Variants in CDC25A observed in about 807,000 individuals in gnomAD.
CDC25A encodes the protein cell division cycle 25A.
In CDC25A, 17 loss-of-function variants were observed where a neutral mutation model predicts 64.6. The observed-to-expected ratio is 0.26, with a 90% CI of 0.18 to 0.39. The LOEUF (loss-of-function observed/expected upper bound fraction) is 0.39, where lower values mean the gene tolerates loss of function less well. CDC25A is among the 10% of genes least tolerant of loss of function. The pLI is 1.00. For synonymous variants in CDC25A, 229 were observed against 238.6 expected, an observed-to-expected ratio of 0.96 and a Z score of 0.37; for missense variants, 473 against 654.8, an observed-to-expected ratio of 0.72 and a Z score of 3.03.
In CDC25A at chr3:48,175,235, T is replaced by G. The variant is rs573457161; in HGVS notation, c.757-778A>C. ...TCACTTGAAACCAGGAGGTGGTGGTTGCAGTGAGCTAAGATTTGCACCACT... is the reference window on the plus strand; with the variant it reads ...TCACTTGAAACCAGGAGGTGGTGGTGGCAGTGAGCTAAGATTTGCACCACT... On this transcript the variant is annotated intron_variant, in intron 8 of 14. Coordinates refer to ENST00000302506, the MANE Select transcript of CDC25A (RefSeq NM_001789.3). Among the ~76,000 whole-genome samples, 6 of 152,210 alleles carry G rather than the reference T, an allele frequency of 3.9e-5. No individual in the cohort carries two copies. In the South Asian group the frequency reaches 1.2e-3, roughly 32 times the overall value.
At chr3:48,164,009 G>A (rs1326846968) in intron 13 of CDC25A, among the ~76,000 whole-genome samples, 3 of 152,146 alleles carry the variant, frequency 2.0e-5, no homozygotes, top group South Asian at 2.1e-4. Flanking sequence ...CATATCATAT[G>A]AGGTTTTACA....
chr3:48,186,621 C>A, intron 2 of CDC25A, 82 bp downstream of exon 2: 2 of 777,950 alleles, frequency 2.6e-6, no homozygotes, highest in South Asian at 1.6e-5. Flanking sequence ...TCCTCAAGTT[C>A]TCACCAAAAC....
At chr3:48,176,959 G>A (rs572143166) in intron 8 of CDC25A, among the ~76,000 whole-genome samples, 36 of 150,646 alleles carry the variant, frequency 2.4e-4, no homozygotes, top group South Asian at 8.4e-4. Context: ...CAACAAGAGC[G>A]AGACTCCGTC....
chr3:48,170,016 A>C (rs555436810), intron 9 of CDC25A, among the ~76,000 whole-genome samples: 67 of 152,050 alleles, frequency 4.4e-4, no homozygotes, highest in African/African-American at 1.4e-3. Context: ...CTCAAAAAAA[A>C]AAACAAACAA....
chr3:48,171,126 C>T (rs1039914253), intron 9 of CDC25A, among the ~76,000 whole-genome samples: 1 of 151,992 alleles, frequency 6.6e-6, no homozygotes, highest in African/African-American at 2.4e-5. Context: ...AACCCCAGCA[C>T]TTTGGGAGGC....
rs143112379 is a variant in CDC25A at position 48,185,505 on chromosome 3, C to G, written c.248-810G>C. 6.4e-4 allele frequency among the ~76,000 whole-genome samples: 97 copies of G among 151,682 alleles called. 2 individuals carry two copies. Among genetic ancestry groups the G allele is most frequent in the East Asian group, 5.8e-3 (30 of 5,170 alleles). On this transcript the variant is annotated intron_variant, in intron 2 of 14. Coordinates refer to ENST00000302506, the MANE Select transcript of CDC25A (RefSeq NM_001789.3). The stretch of plus-strand genomic sequence containing the variant: ...TTGGGAGGTCGAAGTGGGTGGATCA[C>G]CTGAGATCAGAAGTTTGAGACCCAC...
intron 13 of CDC25A, among the ~76,000 whole-genome samples, chr3:48,160,954 C>T (rs2031732499): frequency 6.6e-6 from 1 of 151,652 alleles, no homozygotes; most frequent in Admixed American, 6.6e-5. Context: ...GAGTTCGAGA[C>T]CAGCCTGGCC....
chr3:48,177,828 G>GA, intron 7 of CDC25A, 26 bp downstream of exon 7: 3 of 1,465,966 alleles, frequency 2.0e-6, no homozygotes, highest in Non-Finnish European at 2.7e-6. Flanking sequence ...AGAACAAATA[G>GA]GAACACACAC....
At chr3:48,174,640 C>A (rs2032392031) in intron 8 of CDC25A, 183 bp from the exon 9 acceptor site, 4 of 560,636 alleles carry the variant, frequency 7.1e-6, no homozygotes. Flanking sequence ...AGGCACTGAG[C>A]ACTTAGTGCT....
chr3:48,183,049 A>T lies in CDC25A; in HGVS notation c.328-19T>A. On this transcript the variant is annotated intron_variant, in intron 4 of 14. Coordinates refer to ENST00000302506, the MANE Select transcript of CDC25A (RefSeq NM_001789.3). ...GCTTCTGCTATCAAAGTAAAAAAGGAAAATAATTAAGGCACACAAATAAAA... is the reference window on the plus strand; with the variant it reads ...GCTTCTGCTATCAAAGTAAAAAAGGTAAATAATTAAGGCACACAAATAAAA... 2 of 1,534,188 alleles carry T rather than the reference A, an allele frequency of 1.3e-6. No individual in the cohort carries two copies. The highest frequency in any genetic ancestry group is 2.2e-5 in the East Asian group (1 of 44,490).
chr3:48,159,507 C>G (rs776730922), intron 13 of CDC25A, 52 bp from the exon 14 acceptor site: 2 of 1,195,976 alleles, frequency 1.7e-6, no homozygotes, highest in South Asian at 1.2e-5. Context: ...AGCACAGCAA[C>G]AAGGCAACGC....
intron 9 of CDC25A, among the ~76,000 whole-genome samples, chr3:48,169,685 C>T (rs2032192072): frequency 6.6e-6 from 1 of 152,112 alleles, no homozygotes; most frequent in Admixed American, 6.5e-5. Context: ...AAACTGAACC[C>T]AGACTGGATA....
intron 13 of CDC25A, among the ~76,000 whole-genome samples, chr3:48,163,606 A>G (rs1341819350): frequency 6.6e-6 from 1 of 152,226 alleles, no homozygotes; most frequent in Non-Finnish European, 1.5e-5. Context: ...CTCCGTCAAA[A>G]AAAAAAAATT....
intron 6 of CDC25A, 55 bp from the exon 7 acceptor site, chr3:48,178,043 C>T (rs2032529815): frequency 6.6e-7 from 1 of 1,521,048 alleles, no homozygotes; most frequent in African/African-American, 1.4e-5. Context: ...CTTTCATTTC[C>T]TTGAATGGGT....
At chr3:48,185,302 C>A (rs1372064402) in intron 2 of CDC25A, among the ~76,000 whole-genome samples, 2 of 151,510 alleles carry the variant, frequency 1.3e-5, no homozygotes, top group African/African-American at 4.9e-5. Context: ...GTAGTCCCAG[C>A]TACTTGGGGA....
At position 48,158,975 on chromosome 3, in the gene CDC25A, C is replaced by T. The variant is rs1473582070; in HGVS notation, c.1545G>A (p.Arg515=). The T allele has an allele frequency of 1.9e-6, 3 of 1,614,162 alleles. No homozygotes were observed. The highest frequency in any genetic ancestry group is 4.5e-5 in the East Asian group (2 of 44,892). ...SRTWAGEKSK[R]EMYSRLKKL is the part of the protein sequence containing the mutation. ...GCTTCTTCAGACGACTGTACATCTC[C>T]CTCTTGCTCTTCTCCCCTGCCCAGG... Residue 515 remains arginine, a synonymous_variant, in exon 15 of 15, where the codon AGG becomes AGA. Transcript: ENST00000302506.
chr3:48,177,754 CCG>C, intron 7 of CDC25A, 98 bp downstream of exon 7: 1 of 1,366,060 alleles, frequency 7.3e-7, no homozygotes, highest in South Asian at 1.2e-5. Context: ...TAAGCAAGCC[CCG>C]GGGAACTGCT....
chr3:48,158,307 G>A lies in CDC25A; in HGVS notation c.*638C>T, dbSNP rs947774560. The A allele has an allele frequency of 5.2e-5, 8 of 152,386 alleles. No homozygotes were observed. Among genetic ancestry groups the A allele is most frequent in the Non-Finnish European group, 1.2e-4 (8 of 67,972 alleles). 9.4% of individuals were successfully genotyped at this position (152,386 alleles called of 1,614,324 possible). A position where few individuals can be genotyped will look rare whatever the true frequency, so the allele number is the denominator to read the frequency against. On this transcript the variant is annotated 3_prime_UTR_variant, in exon 15 of 15. Coordinates refer to ENST00000302506, the MANE Select transcript of CDC25A (RefSeq NM_001789.3). ...CACAGCGCCTCCTGGGGGTGACAGA[G>A]CACCTAGCTTTCTGTCCGATAACTT...
At chr3:48,166,014 G>T in intron 10 of CDC25A, 121 bp from the exon 11 acceptor site, 1 of 720,398 alleles carries the variant, frequency 1.4e-6, no homozygotes, top group South Asian at 1.7e-5. Flanking sequence ...GCCAGGCACG[G>T]TGGCTCACAC....
Sources: allele counts gnomAD v4.1 joint callset (sites outside exome capture counted in the v4.1 genomes callset), GRCh38; gene constraint gnomAD v4.1.1; transcripts MANE v1.5; gene names NCBI Gene and HGNC (gene_info 2026-07-23, HGNC 2026-07-21).